The following ADAM23 variants were observed in gnomAD, a reference collection of about 807,000 sequenced individuals.
ADAM23 encodes the protein disintegrin and metalloproteinase domain-containing protein 23.
Under a neutral mutation model 120.1 loss-of-function variants are expected in ADAM23, and 33 were observed. That is an observed-to-expected ratio of 0.27 (90% confidence interval 0.21 to 0.37). The LOEUF is 0.37. Ranked by LOEUF, ADAM23 falls within the 10% of genes least tolerant of loss-of-function variation. ADAM23 has a pLI of 1.00. For missense variants in ADAM23, 862 were observed against 1,058.2 expected, an observed-to-expected ratio of 0.81 and a Z score of 2.57; for synonymous variants, 367 against 375.2, an observed-to-expected ratio of 0.98 and a Z score of 0.25.
rs1698992294 is a variant in ADAM23 at position 206,619,067 on chromosome 2, G to GT, written c.*1441dup. ...ATTTTCCTGCCTCAAAATATATATG[G>GT]TAGAACCCTATTGGAAAAGTGGTAA... On this transcript the variant is annotated 3_prime_UTR_variant, in exon 26 of 26. Transcript: ENST00000264377. The GT allele has an allele frequency of 6.6e-6, 1 of 152,194 alleles. No individual in the cohort carries two copies. The highest frequency in any genetic ancestry group is 2.1e-4 in the South Asian group (1 of 4,810). 9.4% of individuals were successfully genotyped at this position (152,194 alleles called of 1,614,324 possible).
At chr2:206,461,937 A>G (rs1326940301) in intron 2 of ADAM23, among the ~76,000 whole-genome samples, 4 of 152,168 alleles carry the variant, frequency 2.6e-5, no homozygotes, top group Non-Finnish European at 5.9e-5. Context: ...CTGGTGTGAG[A>G]TGATTCAGGG....
At chr2:206,550,811 G>C (rs1459158786) in intron 9 of ADAM23, among the ~76,000 whole-genome samples, 3 of 152,096 alleles carry the variant, frequency 2.0e-5, no homozygotes, top group Admixed American at 6.5e-5. Flanking sequence ...CCGCCTTAGC[G>C]AGGATGGTCT....
chr2:206,580,041 G>T (rs1698192933), intron 18 of ADAM23, among the ~76,000 whole-genome samples: 2 of 152,022 alleles, frequency 1.3e-5, no homozygotes, highest in Admixed American at 1.3e-4. Flanking sequence ...GTATAGAAGA[G>T]CTACTGATTT....
rs1698977859 is a variant in ADAM23 at position 206,618,460 on chromosome 2, CA to C, written c.*834del. The C allele has an allele frequency of 6.6e-6, 1 of 152,194 alleles. No homozygotes were observed. Among genetic ancestry groups the C allele is most frequent in the Non-Finnish European group, 1.5e-5 (1 of 68,048 alleles). 9.4% of individuals were successfully genotyped at this position (152,194 alleles called of 1,614,324 possible). On this transcript the variant is annotated 3_prime_UTR_variant, in exon 26 of 26. Transcript: ENST00000264377. ...TAAATATGGAAATAAGAGATTTTGA[CA>C]CATCATTTTCACTTGTCTGTATTGA...
Position 206,617,896 on chromosome 2 carries a change from C to A in ADAM23, c.*269C>A, listed in dbSNP as rs1698965552. ...AGAACTGTTCCAGAATCTTTTTTTT[C>A]CCTAATGGACGAAGGAACAACACAC... On this transcript the variant is annotated 3_prime_UTR_variant, in exon 26 of 26. Transcript: ENST00000264377. 1 of 437,814 alleles carries A rather than the reference C, an allele frequency of 2.3e-6. No homozygotes were observed. Among genetic ancestry groups the A allele is most frequent in the Non-Finnish European group, 3.7e-6 (1 of 271,882 alleles). The allele number at this position is 437,814 out of a possible 1,614,324, so 27.1% of individuals were successfully genotyped here. A position where few individuals can be genotyped will look rare whatever the true frequency, so the allele number is the denominator to read the frequency against.
intron 2 of ADAM23, among the ~76,000 whole-genome samples, chr2:206,455,597 A>G (rs1409870323): frequency 6.6e-6 from 1 of 152,216 alleles, no homozygotes; most frequent in African/African-American, 2.4e-5. Context: ...TTTAAATATA[A>G]GTTCCAGTTT....
chr2:206,517,954 C>G (rs1696767967), intron 3 of ADAM23, among the ~76,000 whole-genome samples: 1 of 152,174 alleles, frequency 6.6e-6, no homozygotes, highest in African/African-American at 2.4e-5. Context: ...CTGTGTCAGT[C>G]TCTTTGGGAT....
chr2:206,566,490 T>C (rs1028921187), intron 14 of ADAM23, among the ~76,000 whole-genome samples: 1 of 152,176 alleles, frequency 6.6e-6, no homozygotes, highest in African/African-American at 2.4e-5. Flanking sequence ...TAACTAACCA[T>C]GTGTATAATA....
chr2:206,565,458 G>A (rs980379979), intron 14 of ADAM23, among the ~76,000 whole-genome samples: 2 of 151,944 alleles, frequency 1.3e-5, no homozygotes, highest in African/African-American at 4.8e-5. Flanking sequence ...ATATGTTTAC[G>A]GTAATAAAAA....
intron 6 of ADAM23, among the ~76,000 whole-genome samples, chr2:206,545,838 G>A (rs565146240): frequency 1.1e-4 from 16 of 152,270 alleles, no homozygotes; most frequent in African/African-American, 3.6e-4. Context: ...TTTGATTTCT[G>A]GCTTTGATTA....
intron 4 of ADAM23, among the ~76,000 whole-genome samples, chr2:206,534,141 A>T (rs1697127089): frequency 6.6e-6 from 1 of 152,198 alleles, no homozygotes; most frequent in East Asian, 1.9e-4. Flanking sequence ...CTGCATAAAG[A>T]AACCACACCA....
intron 22 of ADAM23, 132 bp from the exon 23 acceptor site, chr2:206,594,605 G>A (rs1698485431): frequency 2.2e-6 from 2 of 925,236 alleles, no homozygotes; most frequent in Admixed American, 2.6e-5. Context: ...AAGAAGAAGA[G>A]GAGTAAGAAA....
At chr2:206,506,922 G>A (rs1316464599) in intron 3 of ADAM23, among the ~76,000 whole-genome samples, 4 of 152,118 alleles carry the variant, frequency 2.6e-5, no homozygotes, top group African/African-American at 4.8e-5. Flanking sequence ...TTAATTGTTA[G>A]ATAAACCTGT....
chr2:206,450,897 G>A (rs1474573821), intron 2 of ADAM23, among the ~76,000 whole-genome samples: 1 of 152,166 alleles, frequency 6.6e-6, no homozygotes, highest in Non-Finnish European at 1.5e-5. Context: ...TGGGGAAAAC[G>A]AAGAAGACTA....
intron 6 of ADAM23, among the ~76,000 whole-genome samples, chr2:206,543,935 A>G (rs1025218242): frequency 9.8e-5 from 15 of 152,324 alleles, no homozygotes; most frequent in African/African-American, 3.6e-4. Flanking sequence ...AGCCATGAGG[A>G]CACAAAGGCA....
intron 2 of ADAM23, among the ~76,000 whole-genome samples, chr2:206,469,271 TCTC>T (rs1017591617): frequency 2.6e-5 from 4 of 152,170 alleles, no homozygotes; most frequent in Non-Finnish European, 4.4e-5. Flanking sequence ...ACCACCTCCT[TCTC>T]CTGCAATTTT....
chr2:206,618,850 A>T lies in ADAM23; in HGVS notation c.*1223A>T, dbSNP rs563513404. Reference sequence around the variant, plus strand: ...TGTAAGAAAGTAGACACCCTTTCAGATTAATCACAAAAGTGCCAAGCTCAT... The same window carrying T: ...TGTAAGAAAGTAGACACCCTTTCAGTTTAATCACAAAAGTGCCAAGCTCAT... On this transcript the variant is annotated 3_prime_UTR_variant, in exon 26 of 26. Transcript: ENST00000264377. 1 of 152,360 alleles carries T rather than the reference A, an allele frequency of 6.6e-6. No homozygotes were observed. The highest frequency in any genetic ancestry group is 6.5e-5 in the Admixed American group (1 of 15,310). The allele number at this position is 152,360 out of a possible 1,614,324, so 9.4% of individuals were successfully genotyped here.
intron 3 of ADAM23, among the ~76,000 whole-genome samples, chr2:206,483,842 G>T (rs1695947087): frequency 6.6e-6 from 1 of 152,166 alleles, no homozygotes; most frequent in African/African-American, 2.4e-5. Flanking sequence ...GTTACAGTAG[G>T]CTGGGAGTGA....
intron 3 of ADAM23, among the ~76,000 whole-genome samples, chr2:206,505,036 A>C (rs764020856): frequency 1.3e-5 from 2 of 152,222 alleles, no homozygotes; most frequent in Non-Finnish European, 2.9e-5. Flanking sequence ...TTTGATTGCT[A>C]TAAGACTTCC....
Sources: allele counts gnomAD v4.1 joint callset (sites outside exome capture counted in the v4.1 genomes callset), GRCh38; gene constraint gnomAD v4.1.1; transcripts MANE v1.5; gene names NCBI Gene and HGNC (gene_info 2026-07-23, HGNC 2026-07-21).